ROBO1: variants seen among roughly 807,000 people sequenced by gnomAD.
The protein encoded by ROBO1 is roundabout homolog 1.
ROBO1 carries 149 observed loss-of-function variants against 195.9 expected under a neutral mutation model. That is an observed-to-expected ratio of 0.76 (90% confidence interval 0.67 to 0.87). The LOEUF (loss-of-function observed/expected upper bound fraction) is 0.87, where lower values mean the gene tolerates loss of function less well. ROBO1 is among the 40% of genes least tolerant of loss of function. ROBO1 has a pLI of 0.00. For synonymous variants in ROBO1, 816 were observed against 733.2 expected (o/e 1.11, Z -1.82); for missense variants, 1,933 against 2,068.3 (o/e 0.93, Z 1.27).
intron 3 of ROBO1, among the ~76,000 whole-genome samples, chr3:79,111,471 C>A (rs2079885617): frequency 6.6e-6 from 1 of 152,138 alleles, no homozygotes; most frequent in African/African-American, 2.4e-5. Context: ...TGGTGCTGGA[C>A]CTGCCTCGCT....
intron 3 of ROBO1, among the ~76,000 whole-genome samples, chr3:79,038,445 C>T (rs1419915684): frequency 1.3e-5 from 2 of 152,180 alleles, no homozygotes; most frequent in Non-Finnish European, 2.9e-5. Flanking sequence ...CTTTATGTTT[C>T]ACCATCAGCA....
At chr3:78,646,620 C>G (rs927549589) in intron 20 of ROBO1, among the ~76,000 whole-genome samples, 1 of 129,952 alleles carries the variant, frequency 7.7e-6, no homozygotes, top group Non-Finnish European at 1.7e-5. Flanking sequence ...AAAAAAAAAA[C>G]TACTAGATTA....
chr3:79,407,619 A>T (rs1195464880), intron 2 of ROBO1, among the ~76,000 whole-genome samples: 2 of 152,046 alleles, frequency 1.3e-5, no homozygotes, highest in African/African-American at 4.8e-5. Flanking sequence ...AGTGGGTATG[A>T]GCCCTTTTCT....
chr3:79,634,225 C>T (rs1576154457), intron 1 of ROBO1, among the ~76,000 whole-genome samples: 1 of 152,204 alleles, frequency 6.6e-6, no homozygotes, highest in Middle Eastern at 3.4e-3. Context: ...AGTGAATGCA[C>T]ACAAGAGGTG....
intron 4 of ROBO1, among the ~76,000 whole-genome samples, chr3:78,907,048 T>C (rs1327806995): frequency 6.6e-6 from 1 of 152,098 alleles, no homozygotes; most frequent in East Asian, 1.9e-4. Context: ...AGTATTTGCA[T>C]AGCCTTTTCA....
intron 2 of ROBO1, among the ~76,000 whole-genome samples, chr3:79,335,708 C>T (rs1057334880): frequency 8.5e-5 from 13 of 152,122 alleles, no homozygotes; most frequent in African/African-American, 2.4e-4. Context: ...AAATTGGTAC[C>T]GCAGAGAGTG....
intron 2 of ROBO1, among the ~76,000 whole-genome samples, chr3:79,267,725 T>C (rs1362365128): frequency 2.0e-5 from 3 of 151,488 alleles, no homozygotes; most frequent in South Asian, 4.1e-4. Context: ...CTTTAAAGGA[T>C]TTCTGTCATT....
chr3:79,367,248 G>C (rs937756306), intron 2 of ROBO1, among the ~76,000 whole-genome samples: 5 of 151,964 alleles, frequency 3.3e-5, no homozygotes, highest in African/African-American at 1.2e-4. Context: ...GTCTCTATCA[G>C]AAGGAGTTAG....
At chr3:78,858,680 G>A (rs940222587) in intron 4 of ROBO1, among the ~76,000 whole-genome samples, 1 of 151,786 alleles carries the variant, frequency 6.6e-6, no homozygotes, top group Non-Finnish European at 1.5e-5. Context: ...AGAACGGGAG[G>A]TGGATATTGC....
intron 1 of ROBO1, among the ~76,000 whole-genome samples, chr3:79,689,731 A>G (rs1302416277): frequency 6.6e-6 from 1 of 152,070 alleles, no homozygotes; most frequent in Non-Finnish European, 1.5e-5. Context: ...ATATGCTAAT[A>G]CTTTCCCCAG....
intron 3 of ROBO1, among the ~76,000 whole-genome samples, chr3:79,104,501 A>G (rs1215280769): frequency 6.6e-6 from 1 of 151,828 alleles, no homozygotes; most frequent in Non-Finnish European, 1.5e-5. Context: ...TTCTTTAACA[A>G]GAGCAGACAC....
At chr3:79,041,419 C>A (rs551819901) in intron 3 of ROBO1, among the ~76,000 whole-genome samples, 3 of 152,124 alleles carry the variant, frequency 2.0e-5, no homozygotes, top group Admixed American at 6.5e-5. Context: ...ATTGCCTCTA[C>A]CTGAAAGTTG....
chr3:78,918,141 T>G (rs2038734457), intron 4 of ROBO1, among the ~76,000 whole-genome samples: 1 of 152,206 alleles, frequency 6.6e-6, no homozygotes, highest in Non-Finnish European at 1.5e-5. Context: ...AGTAGATTTT[T>G]AATCAACTAT....
Position 78,681,825 on chromosome 3 carries a change from C to T in ROBO1, c.1342+3921G>A, listed in dbSNP as rs540593670. ...GCTGAGGCAGGAGAATGGCCTGAAC[C>T]TGGGAGGCGGAGCTTACAGTGAGCT... On this transcript the variant is annotated intron_variant, in intron 10 of 30. Coordinates refer to ENST00000464233, the MANE Select transcript of ROBO1 (RefSeq NM_002941.4). Among the ~76,000 whole-genome samples, 7 of 152,224 alleles carry T rather than the reference C, an allele frequency of 4.6e-5. No homozygotes were observed. In the South Asian group the frequency reaches 1.4e-3, roughly 32 times the overall value.
intron 1 of ROBO1, among the ~76,000 whole-genome samples, chr3:79,673,873 T>C (rs1946704952): frequency 6.6e-6 from 1 of 151,966 alleles, no homozygotes; most frequent in Admixed American, 6.6e-5. Context: ...GTGAGTGGAT[T>C]ACCATAAGCT....
rs771288994 is a variant in ROBO1, at chr3:79,284,448, AT to A, written c.89-158910del. Among the ~76,000 whole-genome samples, 30 of 152,310 alleles carry A rather than the reference AT, an allele frequency of 2.0e-4. 1 individual carries two copies. The South Asian group carries it at 6.0e-3, about 30-fold the overall frequency. ...GTATACCTATGTAGAAAACATGCAC[AT>A]TCTGCATGTGTATCCTGGAACTTAA... On this transcript the variant is annotated intron_variant, in intron 2 of 30. Coordinates refer to ENST00000464233, the MANE Select transcript of ROBO1 (RefSeq NM_002941.4).
chr3:79,010,328 T>C (rs542757938), intron 3 of ROBO1, among the ~76,000 whole-genome samples: 5 of 152,236 alleles, frequency 3.3e-5, no homozygotes, highest in African/African-American at 4.8e-5. Flanking sequence ...TGACTGGCCA[T>C]AGTTAAAGAG....
At chr3:79,711,920 T>C (rs1393287228) in intron 1 of ROBO1, among the ~76,000 whole-genome samples, 1 of 2,740 alleles carries the variant, frequency 3.6e-4, no homozygotes, top group Non-Finnish European at 9.0e-4. Flanking sequence ...TTGTGGGGGA[T>C]GGGCGGGTGG....
rs2034518217 is a variant in ROBO1, at chr3:79,333,123, A to C, written c.89-207584T>G. 2.0e-5 allele frequency among the ~76,000 whole-genome samples: 3 copies of C among 151,886 alleles called. No homozygotes were observed. In the South Asian group the frequency reaches 6.2e-4, roughly 32 times the overall value. On this transcript the variant is annotated intron_variant, in intron 2 of 30. Coordinates refer to ENST00000464233, the MANE Select transcript of ROBO1 (RefSeq NM_002941.4). ...GAGGCTTAGACAGGCGAATTGCTTG[A>C]ACCTGAGAGGCGGAGGTTCCAGTGA...
Sources: gnomAD v4.1 joint callset for allele counts (sites outside exome capture counted in the v4.1 genomes callset) on GRCh38, gnomAD v4.1.1 for gene constraint, MANE v1.5 for transcripts, NCBI Gene and HGNC (gene_info 2026-07-23, HGNC 2026-07-21) for gene names.